SLC8A1: variants seen among roughly 807,000 people sequenced by gnomAD.
SLC8A1 encodes the protein sodium/calcium exchanger 1.
Under a neutral mutation model 68.3 loss-of-function variants are expected in SLC8A1, and 18 were observed. The ratio of observed to expected loss-of-function variants is 0.26; its 90% CI spans 0.18 to 0.39. The LOEUF (loss-of-function observed/expected upper bound fraction) is 0.39. SLC8A1 is among the 10% of genes least tolerant of loss of function. SLC8A1 has a pLI of 1.00. For synonymous variants in SLC8A1, 475 were observed against 415.5 expected (o/e 1.14, Z -1.74); for missense variants, 985 against 1,156.7 (o/e 0.85, Z 2.15).
intron 2 of SLC8A1, among the ~76,000 whole-genome samples, chr2:40,408,058 A>T (rs538547997): frequency 3.4e-4 from 51 of 152,234 alleles, no homozygotes; most frequent in Non-Finnish European, 5.7e-4. Context: ...TAACAAGTTA[A>T]TAATCTTCCA....
intron 2 of SLC8A1, among the ~76,000 whole-genome samples, chr2:40,214,779 AT>A (rs1421982099): frequency 2.6e-5 from 4 of 152,208 alleles, no homozygotes; most frequent in Admixed American, 2.0e-4. Context: ...ATGGATCAGT[AT>A]TTTTTTGAGA....
intron 2 of SLC8A1, among the ~76,000 whole-genome samples, chr2:40,421,083 C>T (rs1050600201): frequency 3.9e-5 from 6 of 152,014 alleles, no homozygotes; most frequent in African/African-American, 1.2e-4. Context: ...ACCACCACCA[C>T]CAACACCAAA....
intron 1 of SLC8A1, among the ~76,000 whole-genome samples, chr2:40,439,052 G>A (rs1700008125): frequency 6.6e-6 from 1 of 152,056 alleles, no homozygotes; most frequent in Non-Finnish European, 1.5e-5. Flanking sequence ...GGGTCTCCAG[G>A]CAGGATCAAA....
chr2:40,149,467 C>T (rs923422854), intron 6 of SLC8A1, among the ~76,000 whole-genome samples: 2 of 152,114 alleles, frequency 1.3e-5, no homozygotes, highest in Non-Finnish European at 2.9e-5. Context: ...GAGCAGTTGA[C>T]ATGTGAGCTA....
intron 2 of SLC8A1, among the ~76,000 whole-genome samples, chr2:40,334,700 C>A (rs1409152303): frequency 6.6e-6 from 1 of 152,062 alleles, no homozygotes; most frequent in Non-Finnish European, 1.5e-5. Context: ...GCACTAATGG[C>A]AAAATTATCA....
At chr2:40,492,434 G>T (rs1215880279) in intron 1 of SLC8A1, among the ~76,000 whole-genome samples, 1 of 152,076 alleles carries the variant, frequency 6.6e-6, no homozygotes, top group Non-Finnish European at 1.5e-5. Flanking sequence ...ATAGGCACGG[G>T]CAAGAACTTC....
intron 2 of SLC8A1, among the ~76,000 whole-genome samples, chr2:40,180,282 T>C (rs1339419173): frequency 6.6e-6 from 1 of 152,216 alleles, no homozygotes; most frequent in Non-Finnish European, 1.5e-5. Flanking sequence ...ATTTAATTTT[T>C]CCCTAATATC....
chr2:40,362,462 A>T (rs145201443), intron 2 of SLC8A1, among the ~76,000 whole-genome samples: 142 of 152,258 alleles, frequency 9.3e-4, no homozygotes, highest in Non-Finnish European at 1.2e-3. Context: ...AAAGGAAGAA[A>T]GAATGCATCA....
intron 1 of SLC8A1, among the ~76,000 whole-genome samples, chr2:40,506,645 A>T (rs960976109): frequency 1.3e-5 from 2 of 151,668 alleles, no homozygotes; most frequent in African/African-American, 4.8e-5. Context: ...GGGTCTATAG[A>T]TTTATGGGAC....
chr2:40,419,105 G>A (rs746499963), intron 2 of SLC8A1, among the ~76,000 whole-genome samples: 1 of 152,192 alleles, frequency 6.6e-6, no homozygotes, highest in African/African-American at 2.4e-5. Context: ...CTATGGCAGA[G>A]GCTATGTCTT....
chr2:40,377,568 G>C (rs1178859165), intron 2 of SLC8A1, among the ~76,000 whole-genome samples: 3 of 152,048 alleles, frequency 2.0e-5, no homozygotes, highest in East Asian at 1.9e-4. Flanking sequence ...CACAGCCCTA[G>C]AGCAGAGCTC....
intron 1 of SLC8A1, among the ~76,000 whole-genome samples, chr2:40,431,588 G>A (rs539202334): frequency 6.6e-6 from 1 of 152,260 alleles, no homozygotes; most frequent in South Asian, 2.1e-4. Flanking sequence ...CTGAAGTAGA[G>A]GAAGGTCTGC....
At chr2:40,468,865 T>C (rs1239390756) in intron 1 of SLC8A1, among the ~76,000 whole-genome samples, 1 of 151,988 alleles carries the variant, frequency 6.6e-6, no homozygotes, top group African/African-American at 2.4e-5. Flanking sequence ...TGTTTAATCA[T>C]AGGAGTTTTA....
intron 2 of SLC8A1, among the ~76,000 whole-genome samples, chr2:40,303,244 C>A (rs1195403321): frequency 1.3e-5 from 2 of 152,196 alleles, no homozygotes; most frequent in Admixed American, 6.5e-5. Flanking sequence ...TGCCACACCC[C>A]TGTAGCAGGA....
At chr2:40,264,341 C>T (rs1163804048) in intron 2 of SLC8A1, among the ~76,000 whole-genome samples, 6 of 152,066 alleles carry the variant, frequency 3.9e-5, no homozygotes, top group Admixed American at 1.3e-4. Flanking sequence ...CCAGCCATCC[C>T]GTTACTGGGT....
At chr2:40,511,730 G>T (rs1706737488) in intron 1 of SLC8A1, among the ~76,000 whole-genome samples, 1 of 152,128 alleles carries the variant, frequency 6.6e-6, no homozygotes, top group Non-Finnish European at 1.5e-5. Context: ...GCTGAGAAAA[G>T]CCCAGGGCTC....
exon 8 of SLC8A1, chr2:40,102,122 C>T (rs2033928744): frequency 6.6e-6 from 1 of 152,030 alleles, no homozygotes; most frequent in South Asian, 2.1e-4. Context: ...TCTTTAGGTT[C>T]AGAAGTTTAA....
intron 2 of SLC8A1, among the ~76,000 whole-genome samples, chr2:40,419,770 G>A (rs192208167): frequency 7.2e-5 from 11 of 152,140 alleles, no homozygotes; most frequent in East Asian, 1.9e-4. Context: ...TTAATTTTGC[G>A]TTCCCACTTT....
At chr2:40,500,158 C>T (rs1705965436) in intron 1 of SLC8A1, among the ~76,000 whole-genome samples, 2 of 151,966 alleles carry the variant, frequency 1.3e-5, no homozygotes, top group South Asian at 2.1e-4. Context: ...ACAACAACAA[C>T]AAAACCCCCA....
Sources: allele counts gnomAD v4.1 joint callset (sites outside exome capture counted in the v4.1 genomes callset), GRCh38; gene constraint gnomAD v4.1.1; transcripts MANE v1.5; gene names NCBI Gene and HGNC (gene_info 2026-07-23, HGNC 2026-07-21).